The following GALNT13 variants were observed in gnomAD, a reference collection of about 807,000 sequenced individuals.
GALNT13 encodes the protein UDP-GalNAc:polypeptide N-acetylgalactosaminyltransferase 13.
Under a neutral mutation model 64.2 loss-of-function variants are expected in GALNT13, and 28 were observed. The observed-to-expected ratio is 0.44, with a 90% CI of 0.32 to 0.60. GALNT13 has a LOEUF of 0.60. Ranked by LOEUF, GALNT13 falls within the 20% of genes least tolerant of loss-of-function variation. The probability of loss-of-function intolerance (pLI) is 0.05; values close to 1 mark genes in which losing one functional copy is unlikely to be tolerated. For missense variants in GALNT13, 577 were observed against 669.8 expected, an observed-to-expected ratio of 0.86 and a Z score of 1.53; for synonymous variants, 214 against 224.6, an observed-to-expected ratio of 0.95 and a Z score of 0.42.
chr2:153,430,499 TGATAGGTATTAATA>T, the GALNT13 span, among the ~76,000 whole-genome samples: 2 of 148,166 alleles, frequency 1.3e-5, no homozygotes, highest in African/African-American at 2.5e-5. Flanking sequence ...AAAATGCAAA[TGATAGGTATTAATA>T]GATAGGTAGG....
chr2:153,439,295 G>A, the GALNT13 span, among the ~76,000 whole-genome samples: 2 of 152,176 alleles, frequency 1.3e-5, no homozygotes, highest in African/African-American at 2.4e-5. Context: ...CAGTCTGCCT[G>A]TTCTCAGATC....
the GALNT13 span, among the ~76,000 whole-genome samples, chr2:153,453,879 A>G: frequency 6.6e-6 from 1 of 152,248 alleles, no homozygotes; most frequent in African/African-American, 2.4e-5. Context: ...GTGCCCATCA[A>G]CAGTGGATTG....
chr2:153,148,393 T>C, the GALNT13 span, among the ~76,000 whole-genome samples: 1 of 151,816 alleles, frequency 6.6e-6, no homozygotes, highest in Non-Finnish European at 1.5e-5. Flanking sequence ...TCCTGAATGA[T>C]TGTGTTCCTG....
At chr2:154,080,767 A>AT (rs1701232565) in intron 3 of GALNT13, among the ~76,000 whole-genome samples, 1 of 151,526 alleles carries the variant, frequency 6.6e-6, no homozygotes, top group Non-Finnish European at 1.5e-5. Context: ...TATGTCAGTG[A>AT]TTTTTCTTCA....
the GALNT13 span, among the ~76,000 whole-genome samples, chr2:153,589,237 G>A: frequency 1.2e-3 from 187 of 152,250 alleles, no homozygotes; most frequent in Middle Eastern, 0.017. Flanking sequence ...GCAAAATGCC[G>A]CCAGTCTCTT....
chr2:154,368,388 A>G lies in GALNT13; in HGVS notation c.1157-27603A>G, dbSNP rs543705664. Among the ~76,000 whole-genome samples, 7 of 152,246 alleles carry G rather than the reference A, an allele frequency of 4.6e-5. No homozygotes were observed. The East Asian group carries it at 1.4e-3, about 29-fold the overall frequency. ...ACCCCTCTCTGGGGTGTGACTGACC[A>G]GATGCAGGCCTGTCTTTCCCAAAGA... On this transcript the variant is annotated intron_variant, in intron 9 of 12. Transcript: ENST00000392825.
the GALNT13 span, among the ~76,000 whole-genome samples, chr2:153,708,299 A>G: frequency 1.3e-5 from 2 of 152,110 alleles, no homozygotes; most frequent in African/African-American, 4.8e-5. Context: ...AGGGACCTCA[A>G]AGCAGCTTCC....
chr2:153,986,088 G>C (rs1424236288), intron 3 of GALNT13, among the ~76,000 whole-genome samples: 1 of 152,012 alleles, frequency 6.6e-6, no homozygotes, highest in Non-Finnish European at 1.5e-5. Context: ...GAGACTATCT[G>C]ACTCTGGCAG....
chr2:153,716,635 T>C, the GALNT13 span, among the ~76,000 whole-genome samples: 1 of 152,202 alleles, frequency 6.6e-6, no homozygotes, highest in Non-Finnish European at 1.5e-5. Context: ...TATTGTAATA[T>C]AGTCTTGCAT....
the GALNT13 span, among the ~76,000 whole-genome samples, chr2:153,410,788 T>A: frequency 6.6e-6 from 1 of 152,022 alleles, no homozygotes; most frequent in Non-Finnish European, 1.5e-5. Flanking sequence ...GTGTATTGAT[T>A]ATATAGTGTT....
the GALNT13 span, among the ~76,000 whole-genome samples, chr2:153,403,652 C>A: frequency 6.6e-6 from 1 of 152,172 alleles, no homozygotes; most frequent in Non-Finnish European, 1.5e-5. Context: ...TCAAGCCGGT[C>A]GGAAAAGCAC....
At chr2:154,172,308 T>C (rs929272410) in intron 4 of GALNT13, among the ~76,000 whole-genome samples, 1 of 152,040 alleles carries the variant, frequency 6.6e-6, no homozygotes, top group Non-Finnish European at 1.5e-5. Context: ...ATTCAAATAG[T>C]TCTCTACTAG....
At chr2:154,405,617 G>A (rs1699497902) in intron 10 of GALNT13, among the ~76,000 whole-genome samples, 1 of 151,036 alleles carries the variant, frequency 6.6e-6, no homozygotes, top group Non-Finnish European at 1.5e-5. Flanking sequence ...GACCAGGTGT[G>A]ATGGTGGGCA....
chr2:153,070,700 C>T, the GALNT13 span, among the ~76,000 whole-genome samples: 2 of 152,152 alleles, frequency 1.3e-5, no homozygotes, highest in Non-Finnish European at 2.9e-5. Context: ...CATATGGAGA[C>T]ACCGGAAGTA....
At chr2:153,566,539 A>G in the GALNT13 span, among the ~76,000 whole-genome samples, 3 of 152,002 alleles carry the variant, frequency 2.0e-5, no homozygotes, top group Admixed American at 1.3e-4. Context: ...TATTTTTAGT[A>G]GAGATGGGGT....
the GALNT13 span, among the ~76,000 whole-genome samples, chr2:153,429,786 A>C: frequency 6.6e-6 from 1 of 152,312 alleles, no homozygotes; most frequent in East Asian, 1.9e-4. Context: ...TGCCTTCTTC[A>C]TCCAAATGTT....
intron 3 of GALNT13, among the ~76,000 whole-genome samples, chr2:153,982,710 G>A (rs1036028680): frequency 6.6e-6 from 1 of 151,856 alleles, no homozygotes; most frequent in Non-Finnish European, 1.5e-5. Context: ...CTTGATGTTT[G>A]GAGACATGTT....
intron 3 of GALNT13, among the ~76,000 whole-genome samples, chr2:154,057,017 T>C (rs1699927200): frequency 6.6e-6 from 1 of 151,880 alleles, no homozygotes; most frequent in Admixed American, 6.6e-5. Flanking sequence ...TTTTAAACTT[T>C]TTATTTTTAT....
the GALNT13 span, among the ~76,000 whole-genome samples, chr2:153,203,892 C>T: frequency 1.3e-5 from 2 of 151,500 alleles, no homozygotes; most frequent in South Asian, 2.1e-4. Context: ...CACACACACA[C>T]GCATACACTA....
Sources: allele counts gnomAD v4.1 joint callset (sites outside exome capture counted in the v4.1 genomes callset), GRCh38; gene constraint gnomAD v4.1.1; transcripts MANE v1.5; gene names NCBI Gene and HGNC (gene_info 2026-07-23, HGNC 2026-07-21).